Variants in STK17B observed in about 807,000 individuals in gnomAD.
STK17B encodes the protein serine/threonine-protein kinase 17B.
A neutral mutation model predicts 42.0 loss-of-function variants in STK17B; 21 were observed. The ratio of observed to expected loss-of-function variants is 0.50; its 90% confidence interval spans 0.35 to 0.72. STK17B has a LOEUF of 0.72. Among genes scored for constraint, STK17B ranks in the 30% least tolerant of loss-of-function variants. STK17B has a pLI of 0.00. For missense variants in STK17B, 349 were observed against 446.0 expected, an observed-to-expected ratio of 0.78 and a Z score of 1.96; for synonymous variants, 143 against 148.4, an observed-to-expected ratio of 0.96 and a Z score of 0.26.
In STK17B at chr2:196,165,519, C is replaced by G. The variant is rs539242571; in HGVS notation, c.-44-2092G>C. 6 of 152,316 alleles carry G rather than the reference C, an allele frequency of 3.9e-5. No individual in the cohort carries two copies. The East Asian group carries it at 1.2e-3, about 29-fold the overall frequency. The allele number at this position is 152,316 out of a possible 1,614,324, so 9.4% of individuals were successfully genotyped here. A position where few individuals can be genotyped will look rare whatever the true frequency, so the allele number is the denominator to read the frequency against. ...TATTAGACATAGCCCCTTCTTTCCA[C>G]CCCCAGTTTACACTCCCACTAGCAC... On this transcript the variant is annotated intron_variant, in intron 1 of 7. Coordinates refer to ENST00000263955, the MANE Select transcript of STK17B (RefSeq NM_004226.4).
At position 196,143,631 on chromosome 2, in the gene STK17B, T is replaced by C. The variant is rs1699524766; in HGVS notation, c.536A>G (p.Asp179Gly). The stretch of plus-strand genomic sequence containing the variant: ...CCCTATTTTTCGAGACATTCCAAAA[T>C]CTACTATTTTAATGTCCCCGAGAGG... ...IYPLGDIKIV[D>G]FGMSRKIGHA... is the part of the protein sequence containing the mutation. The change falls in exon 5 of 8, where the codon GAT becomes GGT. Residue 179 changes from aspartate to glycine, a missense_variant. Asp to Gly is a moderately conservative substitution (Grantham distance 94, BLOSUM62 -1). Around this residue, in one of 3 missense-constraint regions of STK17B, gnomAD observed 256 missense variants for 347.7 expected, o/e 0.74. Transcript: ENST00000263955. 2 of 1,609,694 alleles carry C rather than the reference T, an allele frequency of 1.2e-6. No individual in the cohort carries two copies. The highest frequency in any genetic ancestry group is 1.7e-5 in the Admixed American group (1 of 59,296).
intron 1 of STK17B, among the ~76,000 whole-genome samples, chr2:196,166,684 G>A (rs1699877745): frequency 1.3e-5 from 2 of 152,000 alleles, no homozygotes; most frequent in Admixed American, 1.3e-4. Flanking sequence ...AAAGAATTTG[G>A]AAGTAGATCA....
intron 3 of STK17B, chr2:196,153,985 C>T (rs544020853): frequency 1.3e-5 from 2 of 152,250 alleles, no homozygotes; most frequent in South Asian, 2.1e-4. Context: ...CACCTGTAAT[C>T]CCAGCACTTT....
chr2:196,151,772 A>G (rs1699669382), intron 3 of STK17B, among the ~76,000 whole-genome samples: 1 of 152,234 alleles, frequency 6.6e-6, no homozygotes, highest in Admixed American at 6.5e-5. Context: ...CTCCATATGT[A>G]TAAATAGATC....
At chr2:196,148,740 T>C (rs1699618001) in intron 3 of STK17B, among the ~76,000 whole-genome samples, 1 of 152,234 alleles carries the variant, frequency 6.6e-6, no homozygotes, top group Admixed American at 6.5e-5. Context: ...TTTATGATTA[T>C]TTACCAACAT....
At chr2:196,157,131 GAC>G (rs1472529630) in intron 2 of STK17B, among the ~76,000 whole-genome samples, 1 of 146,262 alleles carries the variant, frequency 6.8e-6, no homozygotes, top group Non-Finnish European at 1.5e-5. Context: ...CAGCCTGGGT[GAC>G]AGAGTGAGAC....
intron 6 of STK17B, 105 bp from the exon 7 acceptor site, chr2:196,139,904 T>A: frequency 1.3e-6 from 1 of 763,228 alleles, no homozygotes; most frequent in Non-Finnish European, 1.9e-6. Context: ...CTGGTACGGT[T>A]AAACTACAGA....
intron 4 of STK17B, among the ~76,000 whole-genome samples, chr2:196,144,403 C>G (rs148275519): frequency 7.2e-6 from 1 of 138,328 alleles, no homozygotes; most frequent in Non-Finnish European, 1.5e-5. Context: ...AGAAGAATGG[C>G]GTGAACCCGG....
At chr2:196,157,043 T>G (rs1699749585) in intron 2 of STK17B, among the ~76,000 whole-genome samples, 1 of 151,676 alleles carries the variant, frequency 6.6e-6, no homozygotes, top group African/African-American at 2.4e-5. Flanking sequence ...CGCATGCCTG[T>G]AATCCCAGCT....
chr2:196,151,648 T>C (rs1054685226), intron 3 of STK17B: 1 of 152,212 alleles, frequency 6.6e-6, no homozygotes, highest in Non-Finnish European at 1.5e-5. Context: ...ATTTTTAATA[T>C]GTATAGCTAT....
chr2:196,143,468 A>C, intron 5 of STK17B, 92 bp downstream of exon 5: 1 of 1,246,976 alleles, frequency 8.0e-7, no homozygotes, highest in Middle Eastern at 2.9e-4. Flanking sequence ...TTTTAACTGA[A>C]TCGAATTACA....
rs757402258 is a variant in STK17B, at chr2:196,135,083, T to TA, written c.*2363dup. The TA allele has an allele frequency of 6.6e-6, 1 of 152,210 alleles. No homozygotes were observed. Among genetic ancestry groups the TA allele is most frequent in the Admixed American group, 6.5e-5 (1 of 15,284 alleles). 9.4% of individuals were successfully genotyped at this position (152,210 alleles called of 1,614,324 possible). ...ATTTACAGCTCTGTATTCTACTACT[T>TA]AAAGGTAGATGTAAAGTATTTTAAG... On this transcript the variant is annotated 3_prime_UTR_variant, in exon 8 of 8. Coordinates refer to ENST00000263955, the MANE Select transcript of STK17B (RefSeq NM_004226.4).
In STK17B at chr2:196,149,370, T is replaced by C. The variant is rs150890381; in HGVS notation, c.336-3315A>G. On this transcript the variant is annotated intron_variant, in intron 3 of 7. Coordinates refer to ENST00000263955, the MANE Select transcript of STK17B (RefSeq NM_004226.4). ...TAGTGGAGACTGGGTTTCACCGTGTTAGCCAGGATGGTCTCCATCTCCTGA... is the reference window on the plus strand; with the variant it reads ...TAGTGGAGACTGGGTTTCACCGTGTCAGCCAGGATGGTCTCCATCTCCTGA... Among the ~76,000 whole-genome samples the C allele has an allele frequency of 4.0e-3, 605 of 152,218 alleles. 1 individual carries two copies. Among genetic ancestry groups the C allele is most frequent in the African/African-American group, 0.013 (559 of 41,546 alleles).
intron 1 of STK17B, among the ~76,000 whole-genome samples, chr2:196,164,791 T>C (rs765743475): frequency 2.8e-4 from 43 of 152,330 alleles, no homozygotes; most frequent in African/African-American, 8.4e-4. Flanking sequence ...GCCTGGGCGA[T>C]AGATGGAGAC....
At chr2:196,174,489 T>G (rs1217490681), upstream of STK17B, 1 of 152,296 alleles carries the variant, frequency 6.6e-6, no homozygotes, top group East Asian at 1.9e-4. Context: ...ACCCTCCTTC[T>G]GAAGAATTCA....
chr2:196,161,511 C>CTTTTTTTT (rs71009086), intron 2 of STK17B, among the ~76,000 whole-genome samples: 5 of 69,522 alleles, frequency 7.2e-5, no homozygotes, highest in East Asian at 4.9e-4. Flanking sequence ...TATTATAATT[C>CTTTTTTTT]TTTTTTTTTT....
chr2:196,150,088 G>A (rs73989842), intron 3 of STK17B, among the ~76,000 whole-genome samples: 1,583 of 149,548 alleles, frequency 0.011, 28 homozygotes, highest in African/African-American at 0.036. Context: ...TGCAGAAGTT[G>A]GCAGAAATTG....
chr2:196,161,237 T>C (rs62186701), intron 2 of STK17B, among the ~76,000 whole-genome samples: 15 of 150,546 alleles, frequency 1.0e-4, no homozygotes, highest in African/African-American at 3.4e-4. Flanking sequence ...GTCTTTCCAA[T>C]GCAGAGATTC....
chr2:196,140,635 G>A (rs1699481023), intron 6 of STK17B, among the ~76,000 whole-genome samples: 1 of 135,932 alleles, frequency 7.4e-6, no homozygotes, highest in South Asian at 2.2e-4. Context: ...CATGATCTTG[G>A]CTCACTGCAA....
Sources: allele counts gnomAD v4.1 joint callset (sites outside exome capture counted in the v4.1 genomes callset), GRCh38; gene constraint gnomAD v4.1.1; regional missense constraint gnomAD v4.1.1; transcripts MANE v1.5; gene names NCBI Gene and HGNC (gene_info 2026-07-23, HGNC 2026-07-21).